STON2: variants seen among roughly 807,000 people sequenced by gnomAD.
STON2 encodes stonin-2.
A neutral mutation model predicts 65.7 loss-of-function variants in STON2; 29 were observed. The ratio of observed to expected loss-of-function variants is 0.44; its 90% CI spans 0.33 to 0.60. STON2 has a LOEUF of 0.60. STON2 is among the 20% of genes least tolerant of loss of function. STON2 has a pLI of 0.03. For synonymous variants in STON2, 404 were observed against 414.2 expected, an observed-to-expected ratio of 0.98 and a Z score of 0.30; for missense variants, 1,054 against 1,118.1, an observed-to-expected ratio of 0.94 and a Z score of 0.82.
At chr14:81,346,948 C>T (rs906654159) in intron 4 of STON2, among the ~76,000 whole-genome samples, 1 of 151,888 alleles carries the variant, frequency 6.6e-6, no homozygotes, top group Non-Finnish European at 1.5e-5. Flanking sequence ...TAAACGTATA[C>T]ATCAAAAAAT....
chr14:81,341,463 T>G (rs1442305627), intron 4 of STON2, among the ~76,000 whole-genome samples: 3 of 147,168 alleles, frequency 2.0e-5, no homozygotes, highest in East Asian at 2.0e-4. Context: ...TTTTGTTTTT[T>G]TTTTTTCCCA....
Position 81,395,965 on chromosome 14 carries a change from T to G in STON2, c.302A>C (p.Asn101Thr). 1 of 1,614,106 alleles carries G rather than the reference T, an allele frequency of 6.2e-7. No individual in the cohort carries two copies. Among genetic ancestry groups the G allele is most frequent in the Non-Finnish European group, 8.5e-7 (1 of 1,179,998 alleles). Residue 101 changes from asparagine to threonine, a missense_variant, in exon 3 of 8, where the codon AAC becomes ACC. Transcript: ENST00000614646. ...PPPDLASAIS[N>T]WVQFEDDTPW... ...TGTGTCATCTTCAAACTGAACCCAGTTGCTGATGGCCGAGGCCAGGTCAGG... is the reference window on the plus strand; with the variant it reads ...TGTGTCATCTTCAAACTGAACCCAGGTGCTGATGGCCGAGGCCAGGTCAGG...
Position 81,277,811 on chromosome 14 carries a change from C to T in STON2, c.1671G>A (p.Arg557=). The T allele has an allele frequency of 6.2e-7, 1 of 1,614,186 alleles. No homozygotes were observed. Among genetic ancestry groups the T allele is most frequent in the African/African-American group, 1.3e-5 (1 of 75,044 alleles). The stretch of plus-strand genomic sequence containing the variant: ...TCTCTTTATAGGTGACACGGTCTAT[C>T]CGCAAGCTGTGGATTCTGCCATTCT... The part of the protein sequence containing the change: ...YDENGRIHSL[R]IDRVTYKEKK... Residue 557 remains arginine, a synonymous_variant, in exon 6 of 8, where the codon CGG becomes CGA. Coordinates refer to ENST00000614646, the MANE Select transcript of STON2 (RefSeq NM_001394390.1).
intron 3 of STON2, among the ~76,000 whole-genome samples, chr14:81,394,219 C>T (rs3844532): frequency 0.58 from 88,049 of 151,832 alleles, 27,756 homozygotes; most frequent in African/African-American, 0.82. Flanking sequence ...ATCTGATGTT[C>T]AAATATGAAA....
chr14:81,370,285 G>A (rs1181571410), intron 4 of STON2, among the ~76,000 whole-genome samples: 3 of 151,948 alleles, frequency 2.0e-5, no homozygotes, highest in East Asian at 1.9e-4. Context: ...CAATCTCTCG[G>A]GTCAAATAAC....
At chr14:81,400,151 A>C (rs980773630) in intron 1 of STON2, among the ~76,000 whole-genome samples, 128 bp downstream of exon 1, 2 of 152,142 alleles carry the variant, frequency 1.3e-5, no homozygotes, top group African/African-American at 2.4e-5. Flanking sequence ...AGCACACCCC[A>C]AGCTGTATAA....
At chr14:81,365,673 T>C (rs1435187288) in intron 4 of STON2, among the ~76,000 whole-genome samples, 1 of 152,062 alleles carries the variant, frequency 6.6e-6, no homozygotes, top group Non-Finnish European at 1.5e-5. Context: ...GGAGGATCAC[T>C]TGAACCCGGA....
intron 4 of STON2, among the ~76,000 whole-genome samples, chr14:81,343,135 T>G (rs1897680088): frequency 6.6e-6 from 1 of 152,148 alleles, no homozygotes; most frequent in African/African-American, 2.4e-5. Context: ...TCACAACTGG[T>G]AGCATTCTAA....
rs369505690 is a variant in STON2, at chr14:81,274,912, C to A, written c.2581+1989G>T. On this transcript the variant is annotated intron_variant, in intron 6 of 7. Coordinates refer to ENST00000614646, the MANE Select transcript of STON2 (RefSeq NM_001394390.1). ...ACAGCGAGACTTCATTTCAAAAAAA[C>A]AAACAAACAAACAAACACAAAAAAA... 2.6e-4 allele frequency among the ~76,000 whole-genome samples: 39 copies of A among 151,742 alleles called. No individual in the cohort carries two copies. The East Asian group carries it at 7.4e-3, about 29-fold the overall frequency.
At chr14:81,427,725 AAG>A (rs978248589) in intron 1 of STON2, among the ~76,000 whole-genome samples, 5 of 151,362 alleles carry the variant, frequency 3.3e-5, no homozygotes, top group African/African-American at 9.8e-5. Context: ...GAAAAAAAAA[AAG>A]AGAGAGAGAA....
rs561900833 is a variant in STON2, at chr14:81,417,970, A to G, written c.-199+9132T>C. 3.9e-5 allele frequency among the ~76,000 whole-genome samples: 6 copies of G among 152,316 alleles called. No homozygotes were observed. In the East Asian group the frequency reaches 1.2e-3, roughly 29 times the overall value. On this transcript the variant is annotated intron_variant, in intron 2 of 8. Transcript: ENST00000553821. Reference sequence around the variant, plus strand: ...AGTGTCAAATGCTGAGGAGAGACATAAAGGGCCTTGAGTGGTCGCTGGTGA... The same window carrying G: ...AGTGTCAAATGCTGAGGAGAGACATGAAGGGCCTTGAGTGGTCGCTGGTGA...
chr14:81,324,718 G>C (rs1440790065), intron 4 of STON2, among the ~76,000 whole-genome samples: 6 of 152,190 alleles, frequency 3.9e-5, no homozygotes, highest in African/African-American at 1.4e-4. Flanking sequence ...TCTTGAAGTA[G>C]GCATCTAGAA....
intron 2 of STON2, among the ~76,000 whole-genome samples, chr14:81,425,202 G>A (rs1901907323): frequency 6.6e-6 from 1 of 152,276 alleles, no homozygotes; most frequent in Non-Finnish European, 1.5e-5. Context: ...AACAGATTCA[G>A]AATATTATTA....
intron 5 of STON2, among the ~76,000 whole-genome samples, chr14:81,299,950 A>C (rs1452443779): frequency 1.3e-5 from 2 of 152,072 alleles, no homozygotes; most frequent in Non-Finnish European, 2.9e-5. Context: ...CAGGCTTAAA[A>C]AAATTTTTTT....
rs530437047 is a variant in STON2 at position 81,332,449 on chromosome 14, T to TCTA, written c.572-8265_572-8263dup. 2.7e-3 allele frequency among the ~76,000 whole-genome samples: 413 copies of TCTA among 152,344 alleles called. 3 individuals are homozygous for TCTA. The highest frequency in any genetic ancestry group is 9.5e-3 in the African/African-American group (395 of 41,570). On this transcript the variant is annotated intron_variant, in intron 4 of 7. Coordinates refer to ENST00000614646, the MANE Select transcript of STON2 (RefSeq NM_001394390.1). ...ATTTTCTTTTTAGATTTATTTTACT[T>TCTA]CTACTCTTTAAAAACCTCTCTTTTG...
intron 2 of STON2, among the ~76,000 whole-genome samples, chr14:81,421,718 G>C (rs1259278880): frequency 2.0e-5 from 3 of 152,250 alleles, no homozygotes; most frequent in Non-Finnish European, 4.4e-5. Context: ...AGGACTTCAA[G>C]AGGAAGAATG....
intron 2 of STON2, among the ~76,000 whole-genome samples, chr14:81,407,290 G>C (rs571072213): frequency 6.6e-6 from 1 of 152,086 alleles, no homozygotes; most frequent in Non-Finnish European, 1.5e-5. Context: ...TCATTTCACA[G>C]TAATGTACTG....
chr14:81,301,024 G>T (rs1278341746), intron 5 of STON2, among the ~76,000 whole-genome samples: 1 of 152,070 alleles, frequency 6.6e-6, no homozygotes, highest in Non-Finnish European at 1.5e-5. Context: ...ATTTATATAT[G>T]CAACAACATG....
At chr14:81,309,172 C>T (rs1896327282) in intron 5 of STON2, among the ~76,000 whole-genome samples, 1 of 151,788 alleles carries the variant, frequency 6.6e-6, no homozygotes, top group Non-Finnish European at 1.5e-5. Context: ...ACTCACAGTA[C>T]TGTGCAAATT....
Sources: gnomAD v4.1 joint callset for allele counts (sites outside exome capture counted in the v4.1 genomes callset) on GRCh38, gnomAD v4.1.1 for gene constraint, MANE v1.5 for transcripts, NCBI Gene and HGNC (gene_info 2026-07-23, HGNC 2026-07-21) for gene names.